BNC2: variants seen among roughly 807,000 people sequenced by gnomAD.
The protein encoded by BNC2 is basonuclin zinc finger protein 2, also known as zinc finger protein basonuclin-2.
A neutral mutation model predicts 76.3 loss-of-function variants in BNC2; 20 were observed. The ratio of observed to expected loss-of-function variants is 0.26; its 90% CI spans 0.18 to 0.38. BNC2 has a LOEUF of 0.38. Among genes scored for constraint, BNC2 ranks in the 10% least tolerant of loss-of-function variants. BNC2 has a pLI of 1.00. For synonymous variants in BNC2, 582 were observed against 514.8 expected (o/e 1.13, Z -1.77); for missense variants, 1,382 against 1,399.8 (o/e 0.99, Z 0.20).
At chr9:16,807,470 G>C (rs1385996812) in intron 1 of BNC2, among the ~76,000 whole-genome samples, 1 of 152,078 alleles carries the variant, frequency 6.6e-6, no homozygotes, top group Non-Finnish European at 1.5e-5. Context: ...TGCACCAATT[G>C]TCTCTTCATG....
intron 3 of BNC2, among the ~76,000 whole-genome samples, chr9:16,594,614 G>C (rs1273877293): frequency 6.6e-6 from 1 of 152,118 alleles, no homozygotes; most frequent in Non-Finnish European, 1.5e-5. Flanking sequence ...TGATTACCCA[G>C]GCCAATTGAG....
intron 1 of BNC2, among the ~76,000 whole-genome samples, chr9:16,760,129 G>A (rs553604383): frequency 2.6e-5 from 4 of 152,300 alleles, no homozygotes; most frequent in South Asian, 4.1e-4. Context: ...CAGGACAGGA[G>A]AGGGTCCTAT....
chr9:16,665,292 C>A, intron 3 of BNC2: 1 of 330,616 alleles, frequency 3.0e-6, no homozygotes, highest in South Asian at 2.3e-5. Context: ...ACTGCTTGAA[C>A]CTAGGAGGTG....
intron 4 of BNC2, among the ~76,000 whole-genome samples, chr9:16,564,637 G>C (rs980108705): frequency 6.6e-6 from 1 of 152,134 alleles, no homozygotes; most frequent in Non-Finnish European, 1.5e-5. Flanking sequence ...TCCTTTTGCT[G>C]TGAAAGGTAG....
chr9:16,552,166 A>G (rs1343691218), intron 5 of BNC2, among the ~76,000 whole-genome samples: 2 of 152,168 alleles, frequency 1.3e-5, no homozygotes, highest in African/African-American at 2.4e-5. Flanking sequence ...ACCCAAATGA[A>G]GGGTAATCTC....
At chr9:16,724,080 A>G (rs1408528752) in intron 3 of BNC2, among the ~76,000 whole-genome samples, 1 of 152,064 alleles carries the variant, frequency 6.6e-6, no homozygotes, top group Non-Finnish European at 1.5e-5. Flanking sequence ...AAGTATGAAA[A>G]AAGACCTTAT....
At chr9:16,607,357 AG>A (rs1346632818) in intron 3 of BNC2, among the ~76,000 whole-genome samples, 1 of 152,138 alleles carries the variant, frequency 6.6e-6, no homozygotes, top group Non-Finnish European at 1.5e-5. Context: ...GTAGAAAAAA[AG>A]GGGTGGTCTT....
intron 3 of BNC2, among the ~76,000 whole-genome samples, chr9:16,716,564 A>C (rs1303667940): frequency 6.6e-6 from 1 of 152,212 alleles, no homozygotes; most frequent in Admixed American, 6.5e-5. Flanking sequence ...TTTAAAAACC[A>C]ATTAAAAATA....
At chr9:16,465,197 A>G in intron 5 of BNC2, among the ~76,000 whole-genome samples, 1 of 152,212 alleles carries the variant, frequency 6.6e-6, no homozygotes, top group Non-Finnish European at 1.5e-5. Context: ...ACACTTTGAG[A>G]GGCTAAGGCA....
chr9:16,787,769 T>C (rs73410488), intron 1 of BNC2, among the ~76,000 whole-genome samples: 14,224 of 152,164 alleles, frequency 0.093, 843 homozygotes, highest in Admixed American at 0.19. Flanking sequence ...CGGGCTGGTC[T>C]TGAACTTCTT....
At chr9:16,457,346 T>C (rs1821475020) in intron 5 of BNC2, among the ~76,000 whole-genome samples, 1 of 152,018 alleles carries the variant, frequency 6.6e-6, no homozygotes, top group South Asian at 2.1e-4. Context: ...GGGGTCCAGG[T>C]CCCTAAGATC....
At chr9:16,842,261 T>C (rs1818850477) in intron 1 of BNC2, among the ~76,000 whole-genome samples, 2 of 152,246 alleles carry the variant, frequency 1.3e-5, no homozygotes, top group Admixed American at 1.3e-4. Flanking sequence ...GAAAAGATGC[T>C]GGCATTAGAA....
At chr9:16,633,552 G>T (rs1309519341) in intron 3 of BNC2, among the ~76,000 whole-genome samples, 1 of 152,112 alleles carries the variant, frequency 6.6e-6, no homozygotes, top group African/African-American at 2.4e-5. Flanking sequence ...GCTCTACTTT[G>T]CAATTATGTC....
At chr9:16,678,151 G>A (rs10962536) in intron 3 of BNC2, among the ~76,000 whole-genome samples, 13,730 of 151,464 alleles carry the variant, frequency 0.091, 1,077 homozygotes, top group African/African-American at 0.21. Flanking sequence ...AAGAAAGGCA[G>A]TAAGGTAAGG....
chr9:16,518,990 A>G (rs1469559006), intron 5 of BNC2, among the ~76,000 whole-genome samples: 1 of 152,232 alleles, frequency 6.6e-6, no homozygotes. Context: ...CAAGTGTGTT[A>G]TCAGCATGTC....
rs1435611754 is a variant in BNC2 at position 16,411,249 on chromosome 9, T to G, written c.*7740A>C. The G allele has an allele frequency of 6.6e-6, 1 of 152,666 alleles. No homozygotes were observed. The highest frequency in any genetic ancestry group is 1.5e-5 in the Non-Finnish European group (1 of 68,044). The allele number at this position is 152,666 out of a possible 1,614,324, so 9.5% of individuals were successfully genotyped here. On this transcript the variant is annotated 3_prime_UTR_variant, in exon 7 of 7. Transcript: ENST00000380672. ...TGGATTTGCCATCTTAGCTGTGCATTATCTCAACATCACATTTGGCAACAG... is the reference window on the plus strand; with the variant it reads ...TGGATTTGCCATCTTAGCTGTGCATGATCTCAACATCACATTTGGCAACAG...
intron 5 of BNC2, among the ~76,000 whole-genome samples, chr9:16,467,575 C>A (rs1267604741): frequency 2.2e-5 from 3 of 136,958 alleles, no homozygotes; most frequent in East Asian, 4.3e-4. Context: ...AGTAAACTAT[C>A]GCAAGAACAA....
intron 3 of BNC2, among the ~76,000 whole-genome samples, chr9:16,662,758 A>T (rs1403271968): frequency 6.6e-6 from 1 of 152,114 alleles, no homozygotes; most frequent in East Asian, 1.9e-4. Context: ...AACAAGAGAA[A>T]ATATCCTACC....
chr9:16,631,048 T>C (rs1178557186), intron 3 of BNC2, among the ~76,000 whole-genome samples: 1 of 152,180 alleles, frequency 6.6e-6, no homozygotes, highest in Non-Finnish European at 1.5e-5. Context: ...CTGGAGCTTT[T>C]CTTAAAATCA....
Sources: gnomAD v4.1 joint callset for allele counts (sites outside exome capture counted in the v4.1 genomes callset) on GRCh38, gnomAD v4.1.1 for gene constraint, MANE v1.5 for transcripts, NCBI Gene and HGNC (gene_info 2026-07-23, HGNC 2026-07-21) for gene names.